Variants in AGBL1 observed in about 807,000 individuals in gnomAD.
AGBL1 encodes AGBL carboxypeptidase 1.
Under a neutral mutation model 118.9 loss-of-function variants are expected in AGBL1, and 130 were observed. That is an observed-to-expected ratio of 1.09 (90% CI 0.95 to 1.26). The LOEUF is 1.26. AGBL1 is among the 50% of genes most tolerant of loss of function. The probability of loss-of-function intolerance (pLI) is 0.00; values close to 1 mark genes in which losing one functional copy is unlikely to be tolerated. For missense variants in AGBL1, 1,584 were observed against 1,298.1 expected (o/e 1.22, Z -3.38); for synonymous variants, 555 against 478.9 (o/e 1.16, Z -2.08).
intron 24 of AGBL1, among the ~76,000 whole-genome samples, chr15:87,026,156 G>T (rs572385532): frequency 6.6e-6 from 1 of 152,052 alleles, no homozygotes; most frequent in South Asian, 2.1e-4. Flanking sequence ...ATAAATTGTT[G>T]GGACTTAGTT....
chr15:86,753,889 A>G (rs538525292), intron 22 of AGBL1, among the ~76,000 whole-genome samples: 21 of 152,180 alleles, frequency 1.4e-4, no homozygotes, highest in African/African-American at 5.1e-4. Context: ...TTCAGGTTCC[A>G]CTTGCTCTCT....
chr15:86,655,377 A>G (rs555558504), intron 21 of AGBL1, among the ~76,000 whole-genome samples: 1 of 152,324 alleles, frequency 6.6e-6, no homozygotes, highest in South Asian at 2.1e-4. Context: ...AATACACGCA[A>G]TGATGTCCTA....
chr15:86,355,878 C>T (rs1388119835), intron 17 of AGBL1, among the ~76,000 whole-genome samples: 3 of 151,958 alleles, frequency 2.0e-5, no homozygotes, highest in Non-Finnish European at 4.4e-5. Flanking sequence ...ATGATTTTAC[C>T]CAGAGAAAAC....
intron 22 of AGBL1, among the ~76,000 whole-genome samples, chr15:86,833,886 G>A (rs2079138946): frequency 6.6e-6 from 1 of 152,070 alleles, no homozygotes; most frequent in African/African-American, 2.4e-5. Context: ...TTTCTATTTT[G>A]TTTTTCACCC....
chr15:86,776,004 C>G (rs188618435), intron 22 of AGBL1, among the ~76,000 whole-genome samples: 94 of 152,178 alleles, frequency 6.2e-4, no homozygotes, highest in Admixed American at 1.3e-3. Context: ...GGTCCACAAA[C>G]AACACATAGT....
intron 21 of AGBL1, among the ~76,000 whole-genome samples, chr15:86,658,578 T>A (rs1227331103): frequency 1.3e-5 from 2 of 152,160 alleles, no homozygotes; most frequent in Non-Finnish European, 2.9e-5. Flanking sequence ...CAACTATGAC[T>A]CTTACAGCCT....
chr15:87,019,050 G>A (rs1307689897), intron 24 of AGBL1, among the ~76,000 whole-genome samples: 1 of 152,038 alleles, frequency 6.6e-6, no homozygotes, highest in Admixed American at 6.6e-5. Flanking sequence ...ATGGTAAAGG[G>A]TTCAATTCAA....
chr15:86,880,797 G>A (rs1227405192), intron 22 of AGBL1, among the ~76,000 whole-genome samples: 8 of 152,142 alleles, frequency 5.3e-5, no homozygotes, highest in Non-Finnish European at 1.0e-4. Context: ...GTGCACGTGT[G>A]TGTGTGTATA....
intron 21 of AGBL1, among the ~76,000 whole-genome samples, chr15:86,569,252 G>T (rs1352453899): frequency 6.9e-6 from 1 of 144,952 alleles, no homozygotes; most frequent in African/African-American, 2.5e-5. Flanking sequence ...GGCAATATAG[G>T]CAGACCCATC....
intron 18 of AGBL1, among the ~76,000 whole-genome samples, chr15:86,439,447 AT>A (rs2082036216): frequency 1.3e-5 from 2 of 152,092 alleles, no homozygotes; most frequent in South Asian, 4.1e-4. Flanking sequence ...GTACATTTTA[AT>A]TTTTTCCAAG....
At chr15:86,115,847 C>T (rs1420454634) in intron 1 of AGBL1, among the ~76,000 whole-genome samples, 1 of 152,160 alleles carries the variant, frequency 6.6e-6, no homozygotes, top group African/African-American at 2.4e-5. Context: ...CTCATCTCTC[C>T]AGGATGACCA....
At chr15:86,731,455 T>G (rs1301749183) in intron 22 of AGBL1, among the ~76,000 whole-genome samples, 1 of 152,212 alleles carries the variant, frequency 6.6e-6, no homozygotes, top group Non-Finnish European at 1.5e-5. Context: ...TTTTATATTG[T>G]CACCAACAAT....
intron 22 of AGBL1, among the ~76,000 whole-genome samples, chr15:86,836,289 G>A (rs776697798): frequency 6.6e-6 from 1 of 152,100 alleles, no homozygotes; most frequent in Non-Finnish European, 1.5e-5. Context: ...AATCAAGGCG[G>A]GGAAGTAGAG....
At chr15:87,027,155 T>C (rs1421105166) in intron 24 of AGBL1, among the ~76,000 whole-genome samples, 2 of 151,882 alleles carry the variant, frequency 1.3e-5, no homozygotes, top group Non-Finnish European at 1.5e-5. Flanking sequence ...TACAAAGATA[T>C]ACATGTGGCT....
intron 1 of AGBL1, among the ~76,000 whole-genome samples, chr15:86,089,532 G>A (rs1291646026): frequency 6.6e-6 from 1 of 152,176 alleles, no homozygotes; most frequent in Non-Finnish European, 1.5e-5. Flanking sequence ...TAAAGGCAGG[G>A]TCAGATTTCA....
At chr15:86,993,128 T>G (rs1406580780) in intron 24 of AGBL1, among the ~76,000 whole-genome samples, 1 of 152,228 alleles carries the variant, frequency 6.6e-6, no homozygotes, top group East Asian at 1.9e-4. Flanking sequence ...GTATCAACAT[T>G]GTGCTCTAAC....
chr15:86,827,332 T>TACAC (rs1474659952), intron 22 of AGBL1, among the ~76,000 whole-genome samples: 1 of 12,784 alleles, frequency 7.8e-5, no homozygotes, highest in South Asian at 2.7e-3. Context: ...CACATATATA[T>TACAC]ATATATGTGT....
intron 21 of AGBL1, among the ~76,000 whole-genome samples, chr15:86,652,723 T>C (rs1164808812): frequency 6.6e-6 from 1 of 152,204 alleles, no homozygotes; most frequent in Admixed American, 6.6e-5. Flanking sequence ...AGTTTTCTCT[T>C]TGAAATTTCA....
chr15:86,834,351 G>A (rs895285988), intron 22 of AGBL1, among the ~76,000 whole-genome samples: 15 of 152,058 alleles, frequency 9.9e-5, no homozygotes, highest in African/African-American at 3.6e-4. Flanking sequence ...GTAGAGAAGG[G>A]AGATCATGAA....
Sources: gnomAD v4.1 joint callset for allele counts (sites outside exome capture counted in the v4.1 genomes callset) on GRCh38, gnomAD v4.1.1 for gene constraint, MANE v1.5 for transcripts, NCBI Gene and HGNC (gene_info 2026-07-23, HGNC 2026-07-21) for gene names.